ZNF385D: variants seen among roughly 807,000 people sequenced by gnomAD.
ZNF385D encodes zinc finger protein 659.
A neutral mutation model predicts 35.8 loss-of-function variants in ZNF385D; 15 were observed. The ratio of observed to expected loss-of-function variants is 0.42; its 90% CI spans 0.28 to 0.64. The LOEUF is 0.64. Ranked by LOEUF, ZNF385D falls within the 30% of genes least tolerant of loss-of-function variation. ZNF385D has a pLI of 0.23. For synonymous variants in ZNF385D, 212 were observed against 186.8 expected, an observed-to-expected ratio of 1.13 and a Z score of -1.10; for missense variants, 474 against 494.6, an observed-to-expected ratio of 0.96 and a Z score of 0.39.
intron 3 of ZNF385D, among the ~76,000 whole-genome samples, chr3:21,549,738 A>G (rs540587232): frequency 1.2e-4 from 18 of 152,348 alleles, no homozygotes; most frequent in Admixed American, 7.8e-4. Context: ...TGGGAAGGCC[A>G]TGGTGCTCAG....
At chr3:22,238,708 G>T (rs1367989438) in intron 2 of ZNF385D, among the ~76,000 whole-genome samples, 2 of 150,512 alleles carry the variant, frequency 1.3e-5, no homozygotes, top group African/African-American at 2.5e-5. Context: ...GTATATGTGG[G>T]TGTGTAATGT....
intron 2 of ZNF385D, among the ~76,000 whole-genome samples, chr3:22,262,859 G>C (rs940162737): frequency 9.2e-5 from 14 of 151,842 alleles, no homozygotes; most frequent in African/African-American, 2.9e-4. Flanking sequence ...CCCCCACCTA[G>C]CCTGCTTCTC....
At chr3:22,305,790 T>C (rs947801849) in intron 2 of ZNF385D, among the ~76,000 whole-genome samples, 13 of 152,168 alleles carry the variant, frequency 8.5e-5, no homozygotes, top group African/African-American at 2.2e-4. Context: ...AACCAATGAT[T>C]ACTACACTAA....
At chr3:22,130,773 C>A (rs1010011629) in intron 3 of ZNF385D, among the ~76,000 whole-genome samples, 5 of 152,252 alleles carry the variant, frequency 3.3e-5, no homozygotes, top group South Asian at 2.1e-4. Flanking sequence ...GAACTGGGTA[C>A]CATGATTGCT....
In ZNF385D at chr3:21,565,443, A is replaced by T. The variant is rs117726837; in HGVS notation, c.166-759T>A. Reference sequence around the variant, plus strand: ...GCTCTGGCTGGAGTGCAGTGGTGAGATCATAGCTCACTGTAGGCTCAAACT... The same window carrying T: ...GCTCTGGCTGGAGTGCAGTGGTGAGTTCATAGCTCACTGTAGGCTCAAACT... On this transcript the variant is annotated intron_variant, in intron 2 of 7. Coordinates refer to ENST00000281523, the MANE Select transcript of ZNF385D (RefSeq NM_024697.3). Among the ~76,000 whole-genome samples the T allele has an allele frequency of 1.5e-3, 235 of 152,230 alleles. 8 individuals carry two copies. The South Asian group carries it at 0.03, about 20-fold the overall frequency.
At chr3:22,002,237 A>T (rs1695887534) in intron 3 of ZNF385D, among the ~76,000 whole-genome samples, 1 of 152,012 alleles carries the variant, frequency 6.6e-6, no homozygotes, top group Non-Finnish European at 1.5e-5. Context: ...AAATCAATAA[A>T]ATCAAAATTA....
chr3:21,761,381 A>G (rs1423923540), intron 3 of ZNF385D, among the ~76,000 whole-genome samples: 2 of 152,234 alleles, frequency 1.3e-5, no homozygotes, highest in African/African-American at 2.4e-5. Flanking sequence ...TGGCTAATAC[A>G]TGATGGAACT....
intron 3 of ZNF385D, among the ~76,000 whole-genome samples, chr3:21,826,015 G>C (rs1356953846): frequency 1.3e-5 from 2 of 152,188 alleles, no homozygotes; most frequent in African/African-American, 4.8e-5. Context: ...AGGTGGAACA[G>C]TTTCATCCCC....
intron 3 of ZNF385D, among the ~76,000 whole-genome samples, chr3:22,127,775 A>G (rs181254213): frequency 1.3e-5 from 2 of 152,292 alleles, no homozygotes; most frequent in Admixed American, 1.3e-4. Context: ...GAAAAACTAA[A>G]GACATTCTAC....
chr3:21,725,301 A>C (rs2068712246), intron 1 of ZNF385D, among the ~76,000 whole-genome samples: 1 of 152,210 alleles, frequency 6.6e-6, no homozygotes, highest in Non-Finnish European at 1.5e-5. Context: ...ATAAATTCAA[A>C]AGCCAGCAGA....
At chr3:21,441,678 C>CA in intron 4 of ZNF385D, 1 of 985,288 alleles carries the variant, frequency 1.0e-6, no homozygotes, top group Non-Finnish European at 1.2e-6. Context: ...CTATAGCTCT[C>CA]AACTAACCTC....
intron 3 of ZNF385D, among the ~76,000 whole-genome samples, chr3:21,939,280 T>A (rs183915118): frequency 1.3e-5 from 2 of 152,188 alleles, no homozygotes; most frequent in African/African-American, 4.8e-5. Context: ...ATGAACATAA[T>A]TGCATTTAGT....
At chr3:21,956,880 A>C (rs747200051) in intron 3 of ZNF385D, among the ~76,000 whole-genome samples, 1 of 151,734 alleles carries the variant, frequency 6.6e-6, no homozygotes, top group Non-Finnish European at 1.5e-5. Context: ...GATCCAATTT[A>C]ACCTTACCTT....
intron 1 of ZNF385D, among the ~76,000 whole-genome samples, chr3:21,697,549 G>A (rs1045831554): frequency 1.7e-4 from 26 of 152,056 alleles, no homozygotes; most frequent in African/African-American, 6.3e-4. Context: ...AATGTGGCTG[G>A]TCCATTTGTA....
At chr3:22,056,532 G>T (rs865870944) in intron 3 of ZNF385D, among the ~76,000 whole-genome samples, 37 of 152,090 alleles carry the variant, frequency 2.4e-4, no homozygotes, top group Admixed American at 8.5e-4. Flanking sequence ...TCTTCCTAAA[G>T]CCATTCCAAT....
At chr3:22,043,262 C>A (rs1698782387) in intron 3 of ZNF385D, among the ~76,000 whole-genome samples, 1 of 152,088 alleles carries the variant, frequency 6.6e-6, no homozygotes, top group African/African-American at 2.4e-5. Flanking sequence ...TAATTGGAAG[C>A]ATTGAAAACA....
rs914260706 is a variant in ZNF385D at position 22,008,415 on chromosome 3, C to T, written c.325+160402G>A. Among the ~76,000 whole-genome samples, 5 of 140,218 alleles carry T rather than the reference C, an allele frequency of 3.6e-5. No homozygotes were observed. The East Asian group carries it at 6.1e-4, about 17-fold the overall frequency. 92.0% of individuals were successfully genotyped at this position (140,218 alleles called of 152,430 possible). ...TTGCCCAGGTTGGAGTGCAGTGGCC[C>T]GATCTCGGCTCACTGCAGGCTCCGC... On this transcript the variant is annotated intron_variant, in intron 3 of 5. Coordinates refer to the ZNF385D transcript ENST00000494108.
chr3:22,152,628 T>C (rs1224283692), intron 3 of ZNF385D, among the ~76,000 whole-genome samples: 1 of 152,114 alleles, frequency 6.6e-6, no homozygotes, highest in Non-Finnish European at 1.5e-5. Context: ...CAGTAACATC[T>C]CCTTTCTCTC....
chr3:22,324,802 A>G (rs1375905369), intron 2 of ZNF385D, among the ~76,000 whole-genome samples: 1 of 152,136 alleles, frequency 6.6e-6, no homozygotes, highest in Non-Finnish European at 1.5e-5. Context: ...ACCCTCTACC[A>G]CCAGTAATTA....
Sources: allele counts gnomAD v4.1 joint callset (sites outside exome capture counted in the v4.1 genomes callset), GRCh38; gene constraint gnomAD v4.1.1; transcripts MANE v1.5; gene names NCBI Gene and HGNC (gene_info 2026-07-23, HGNC 2026-07-21).